The following HTR1F variants were observed in gnomAD, a reference collection of about 807,000 sequenced individuals.
The protein encoded by HTR1F is 5-hydroxytryptamine (serotonin) receptor 1F, G protein-coupled.
HTR1F carries 17 observed loss-of-function variants against 24.0 expected under a neutral mutation model. The observed-to-expected ratio is 0.71, with a 90% CI of 0.48 to 1.06. The LOEUF is 1.06. HTR1F is among the 50% of genes least tolerant of loss of function. The pLI is 0.00. For missense variants in HTR1F, 391 were observed against 427.8 expected (o/e 0.91, Z 0.76); for synonymous variants, 186 against 156.8 (o/e 1.19, Z -1.39).
At chr3:87,988,892 A>G (rs1705740680) in intron 2 of HTR1F, among the ~76,000 whole-genome samples, 1 of 152,034 alleles carries the variant, frequency 6.6e-6, no homozygotes, top group East Asian at 1.9e-4. Context: ...GGTGTTTTAT[A>G]ATATACCTAA....
At chr3:87,906,730 T>C (rs976331902) in intron 2 of HTR1F, among the ~76,000 whole-genome samples, 4 of 151,708 alleles carry the variant, frequency 2.6e-5, no homozygotes, top group African/African-American at 9.7e-5. Context: ...GTTCATTGTA[T>C]CATTCTTATG....
chr3:87,794,690 T>C (rs1703874707), intron 1 of HTR1F, among the ~76,000 whole-genome samples: 1 of 152,160 alleles, frequency 6.6e-6, no homozygotes, highest in African/African-American at 2.4e-5. Context: ...TACAAATAAC[T>C]TATTTGTTGG....
intron 2 of HTR1F, among the ~76,000 whole-genome samples, chr3:87,894,056 T>C (rs571022677): frequency 2.6e-5 from 4 of 152,200 alleles, no homozygotes; most frequent in African/African-American, 7.2e-5. Context: ...CAGGTGGTAT[T>C]TGGTTCCCCA....
At chr3:87,953,529 C>A (rs115615672) in intron 2 of HTR1F, among the ~76,000 whole-genome samples, 97 of 142,950 alleles carry the variant, frequency 6.8e-4, no homozygotes, top group African/African-American at 1.1e-3. Flanking sequence ...ACCAAAAGGA[C>A]AAAAAAAAAA....
chr3:87,829,723 A>G (rs1407453034), intron 2 of HTR1F, among the ~76,000 whole-genome samples: 2 of 152,236 alleles, frequency 1.3e-5, no homozygotes, highest in Admixed American at 1.3e-4. Flanking sequence ...TCATGGAGAT[A>G]ATATATAGGT....
At chr3:87,925,368 T>C (rs1704101244) in intron 2 of HTR1F, among the ~76,000 whole-genome samples, 1 of 152,114 alleles carries the variant, frequency 6.6e-6, no homozygotes, top group South Asian at 2.1e-4. Context: ...AGGGGATGTC[T>C]TCTCAGTTAC....
intron 2 of HTR1F, among the ~76,000 whole-genome samples, chr3:87,832,920 T>C (rs1201460021): frequency 1.3e-5 from 2 of 152,216 alleles, no homozygotes; most frequent in African/African-American, 4.8e-5. Flanking sequence ...GTTCCGTCTG[T>C]TGTTTTGTTT....
At chr3:87,880,843 G>A (rs1224135651) in intron 2 of HTR1F, among the ~76,000 whole-genome samples, 1 of 152,176 alleles carries the variant, frequency 6.6e-6, no homozygotes, top group East Asian at 1.9e-4. Context: ...AACGTAAACA[G>A]TTGTAAACTG....
chr3:87,921,109 T>C (rs1388249198), intron 2 of HTR1F, among the ~76,000 whole-genome samples: 1 of 151,970 alleles, frequency 6.6e-6, no homozygotes, highest in Non-Finnish European at 1.5e-5. Flanking sequence ...TTGTCGAACA[T>C]CTACAAATAA....
intron 2 of HTR1F, among the ~76,000 whole-genome samples, chr3:87,934,859 C>T (rs1025091186): frequency 6.6e-6 from 1 of 152,094 alleles, no homozygotes; most frequent in African/African-American, 2.4e-5. Flanking sequence ...AGCTTATACT[C>T]TTAACTGTTT....
chr3:87,905,858 G>A (rs996023372), intron 2 of HTR1F, among the ~76,000 whole-genome samples: 1 of 152,006 alleles, frequency 6.6e-6, no homozygotes, highest in African/African-American at 2.4e-5. Context: ...CTATGAATGA[G>A]CATTTGGGTG....
intron 2 of HTR1F, among the ~76,000 whole-genome samples, chr3:87,942,767 T>C (rs1031957433): frequency 6.6e-6 from 1 of 151,686 alleles, no homozygotes; most frequent in African/African-American, 2.4e-5. Context: ...GTTTGTCCTA[T>C]TCCACCTGCT....
intron 2 of HTR1F, among the ~76,000 whole-genome samples, chr3:87,959,825 A>G (rs1350798997): frequency 6.6e-6 from 1 of 151,534 alleles, no homozygotes; most frequent in Non-Finnish European, 1.5e-5. Flanking sequence ...TGAATCAGTA[A>G]CTTAACTAGT....
intron 2 of HTR1F, among the ~76,000 whole-genome samples, chr3:87,896,901 C>A (rs183935632): frequency 3.9e-5 from 6 of 152,180 alleles, no homozygotes; most frequent in Middle Eastern, 3.4e-3. Flanking sequence ...ATCAAAAAGA[C>A]AAGAGATACA....
chr3:87,875,656 G>A (rs950999656), intron 2 of HTR1F, among the ~76,000 whole-genome samples: 1 of 151,848 alleles, frequency 6.6e-6, no homozygotes, highest in Admixed American at 6.6e-5. Context: ...CAGGCGCGGT[G>A]GCTCACACCT....
At chr3:87,901,119 G>C (rs1265870859) in intron 2 of HTR1F, among the ~76,000 whole-genome samples, 1 of 152,134 alleles carries the variant, frequency 6.6e-6, no homozygotes, top group African/African-American at 2.4e-5. Context: ...CATTGTTTTA[G>C]AGTACAATTA....
chr3:87,874,831 G>C (rs1238879351), intron 2 of HTR1F, among the ~76,000 whole-genome samples: 2 of 152,054 alleles, frequency 1.3e-5, no homozygotes, highest in East Asian at 3.9e-4. Flanking sequence ...AGAAAGCCCA[G>C]AAGTATATGG....
At chr3:87,906,845 G>A (rs553558817) in intron 2 of HTR1F, among the ~76,000 whole-genome samples, 1 of 152,004 alleles carries the variant, frequency 6.6e-6, no homozygotes, top group South Asian at 2.1e-4. Flanking sequence ...TTCCATCCAG[G>A]TTGCTGCAAA....
At chr3:87,818,756 T>G (rs1704297565) in intron 1 of HTR1F, among the ~76,000 whole-genome samples, 1 of 152,176 alleles carries the variant, frequency 6.6e-6, no homozygotes, top group South Asian at 2.1e-4. Flanking sequence ...GCACAAAATT[T>G]ATGAAGGCAC....
Sources: gnomAD v4.1 joint callset for allele counts (sites outside exome capture counted in the v4.1 genomes callset) on GRCh38, gnomAD v4.1.1 for gene constraint, MANE v1.5 for transcripts, NCBI Gene and HGNC (gene_info 2026-07-23, HGNC 2026-07-21) for gene names.